Variants in ZNF496 observed in about 807,000 individuals in gnomAD.
ZNF496 encodes zinc finger protein 496.
A neutral mutation model predicts 58.9 loss-of-function variants in ZNF496; 11 were observed. That is an observed-to-expected ratio of 0.19 (90% CI 0.12 to 0.31). ZNF496 has a LOEUF of 0.31. Ranked by LOEUF, ZNF496 falls within the 10% of genes least tolerant of loss-of-function variation. ZNF496 has a pLI of 1.00. For synonymous variants in ZNF496, 338 were observed against 318.2 expected (o/e 1.06, Z -0.66); for missense variants, 660 against 783.0 (o/e 0.84, Z 1.88).
At chr1:247,304,088 A>G in intron 9 of ZNF496, 1 of 436,620 alleles carries the variant, frequency 2.3e-6, no homozygotes, top group Non-Finnish European at 4.6e-6. Context: ...ATGAAATAAA[A>G]GAAGGCTAGG....
Position 247,317,719 on chromosome 1 carries a change from C to T in ZNF496, c.651+5435G>A, listed in dbSNP as rs184259699. 2.1e-3 allele frequency among the ~76,000 whole-genome samples: 322 copies of T among 152,344 alleles called. 1 individual carries two copies. Among genetic ancestry groups the T allele is most frequent in the African/African-American group, 4.6e-3 (190 of 41,582 alleles). On this transcript the variant is annotated intron_variant, in intron 6 of 9. Transcript: ENST00000682384. ...CCAGGTAATAACAAGTGGTGGCCCACCTGCCCTTCTCTTGCTGGAGCTATG... is the reference window on the plus strand; with the variant it reads ...CCAGGTAATAACAAGTGGTGGCCCATCTGCCCTTCTCTTGCTGGAGCTATG...
rs1660255060 is a variant in ZNF496, at chr1:247,329,674, G to C, written c.-37-59C>G. On this transcript the variant is annotated intron_variant, in intron 3 of 9. Coordinates refer to ENST00000682384, the MANE Select transcript of ZNF496 (RefSeq NM_032752.3). The surrounding 1 kb of genome is among the most constrained non-coding windows in gnomAD (Gnocchi z 5.5). ...TCTGGTCTCCTGTGGTCATTTCTGG[G>C]GGACAGTGACAAGGAAACTGTCAAT... 6.8e-7 allele frequency: 1 copy of C among 1,461,936 alleles called. No individual in the cohort carries two copies. The highest frequency in any genetic ancestry group is 9.1e-7 in the Non-Finnish European group (1 of 1,096,320). 90.6% of individuals were successfully genotyped at this position (1,461,936 alleles called of 1,614,324 possible).
Position 247,329,465 on chromosome 1 carries a change from G to A in ZNF496, c.114C>T (p.Pro38=), listed in dbSNP as rs144794714. Residue 38 remains proline, a synonymous_variant, in exon 4 of 10, where the codon CCC becomes CCT. Coordinates refer to ENST00000682384, the MANE Select transcript of ZNF496 (RefSeq NM_032752.3). The surrounding 1 kb of genome is among the most constrained non-coding windows in gnomAD (Gnocchi z 5.5). ...GGCGGAAGAGACGCCGAGAGGACTC[G>A]GGGCTGGGAAGCTCCCCCTGGGGGC... ...NPSPQGELPS[P]ESSRRLFRRF... 3.5e-4 allele frequency: 568 copies of A among 1,609,710 alleles called. 2 individuals carry two copies. The highest frequency in any genetic ancestry group is 2.1e-3 in the Middle Eastern group (12 of 5,838).
Position 247,300,435 on chromosome 1 carries a change from G to C in ZNF496, c.*84C>G. 1 of 1,434,456 alleles carries C rather than the reference G, an allele frequency of 7.0e-7. No individual in the cohort carries two copies. The highest frequency in any genetic ancestry group is 9.3e-7 in the Non-Finnish European group (1 of 1,071,202). The allele number at this position is 1,434,456 out of a possible 1,614,324, so 88.9% of individuals were successfully genotyped here. On this transcript the variant is annotated 3_prime_UTR_variant, in exon 10 of 10. Transcript: ENST00000682384. This position sits in a 1 kb window ranked among gnomAD's most constrained non-coding sequence, Gnocchi z 5.7. ...GAGGTGTGCTCTCTATCCTGGGGAA[G>C]GTATGTCCTGGGTGGGGGCGCTGAT... is the stretch of plus-strand genomic sequence containing the variant.
At chr1:247,327,003 A>G (rs996547389) in intron 5 of ZNF496, among the ~76,000 whole-genome samples, 1 of 152,136 alleles carries the variant, frequency 6.6e-6, no homozygotes, top group Non-Finnish European at 1.5e-5. Flanking sequence ...CCGGATATTC[A>G]TGGGTTTTTA....
intron 6 of ZNF496, chr1:247,313,181 C>T (rs2103023154): frequency 6.6e-6 from 1 of 152,326 alleles, no homozygotes; most frequent in South Asian, 2.1e-4. Context: ...TGATCATCTC[C>T]CCAGTGCCCC....
chr1:247,314,457 A>AGTTT (rs879257779), intron 6 of ZNF496, among the ~76,000 whole-genome samples: 2 of 151,734 alleles, frequency 1.3e-5, no homozygotes, highest in African/African-American at 4.8e-5. Flanking sequence ...TTAAAATTTC[A>AGTTT]ATTTAAAATG....
chr1:247,319,647 G>A (rs76707053), intron 6 of ZNF496, among the ~76,000 whole-genome samples: 7,720 of 152,288 alleles, frequency 0.051, 259 homozygotes, highest in Middle Eastern at 0.092. Context: ...TCTAGGCCGG[G>A]TGCAGTGGCT....
At position 247,307,335 on chromosome 1, in the gene ZNF496, C is replaced by T. The variant is rs143685296; in HGVS notation, c.1006+1140G>A. ...CCCTTGGCTTCTGGCTGTTTCAGAG[C>T]AGTCTGTGTCAGAGTCCAGCAAGGG... On this transcript the variant is annotated intron_variant, in intron 9 of 9. Coordinates refer to ENST00000682384, the MANE Select transcript of ZNF496 (RefSeq NM_032752.3). The T allele has an allele frequency of 1.0e-5, 10 of 985,416 alleles. No individual in the cohort carries two copies. In the African/African-American group the frequency reaches 1.7e-4, roughly 17 times the overall value. 61.0% of individuals were successfully genotyped at this position (985,416 alleles called of 1,614,324 possible).
Position 247,298,681 on chromosome 1 carries a change from GTC to G in ZNF496, c.*1836_*1837del, listed in dbSNP as rs1659151280. 6.6e-6 allele frequency: 1 copy of G among 152,300 alleles called. No individual in the cohort carries two copies. Among genetic ancestry groups the G allele is most frequent in the South Asian group, 2.1e-4 (1 of 4,832 alleles). The allele number at this position is 152,300 out of a possible 1,614,324, so 9.4% of individuals were successfully genotyped here. ...CACCAGGAGCCTTGCCTGACTTACT[GTC>G]TGTTGGTAGGATGTGACATATGAAT... On this transcript the variant is annotated 3_prime_UTR_variant, in exon 10 of 10. Transcript: ENST00000682384.
intron 5 of ZNF496, among the ~76,000 whole-genome samples, chr1:247,327,107 C>T (rs115741372): frequency 0.021 from 3,227 of 152,194 alleles, 47 homozygotes; most frequent in Middle Eastern, 0.037. Flanking sequence ...TGTTTTTACC[C>T]AGGCTGGAAT....
intron 9 of ZNF496, among the ~76,000 whole-genome samples, chr1:247,302,097 G>C (rs1206273736): frequency 3.3e-5 from 5 of 152,192 alleles, no homozygotes; most frequent in Non-Finnish European, 7.3e-5. Context: ...TTATGGAGCA[G>C]AGCCCACCAT....
At chr1:247,316,452 A>G (rs1474425692) in intron 6 of ZNF496, among the ~76,000 whole-genome samples, 1 of 151,820 alleles carries the variant, frequency 6.6e-6, no homozygotes, top group Non-Finnish European at 1.5e-5. Flanking sequence ...TTGTCATGGG[A>G]GTGGAACTGG....
chr1:247,300,470 G>T lies in ZNF496; in HGVS notation c.*49C>A. The T allele has an allele frequency of 1.3e-6, 2 of 1,556,618 alleles. No individual in the cohort carries two copies. Among genetic ancestry groups the T allele is most frequent in the South Asian group, 2.4e-5 (2 of 82,262 alleles). On this transcript the variant is annotated 3_prime_UTR_variant, in exon 10 of 10. Coordinates refer to ENST00000682384, the MANE Select transcript of ZNF496 (RefSeq NM_032752.3). This position sits in a 1 kb window ranked among gnomAD's most constrained non-coding sequence, Gnocchi z 5.7. ...GGGTGGGGGCGCTGATCAGTACCAA[G>T]GTGAGGGGGCAGCACCAGCCAGGGT...
At position 247,309,654 on chromosome 1, in the gene ZNF496, C is replaced by T. The variant is rs1481204578; in HGVS notation, c.892+45G>A. On this transcript the variant is annotated intron_variant, in intron 8 of 9. Transcript: ENST00000682384. The surrounding 1 kb of genome is among the most constrained non-coding windows in gnomAD (Gnocchi z 4.3). The stretch of plus-strand genomic sequence containing the variant: ...TGGGCTCACCTCCGGCTGCCAGCAA[C>T]CCTTCCCCCTACTCTGTCCACTCAG... The T allele has an allele frequency of 1.2e-6, 2 of 1,609,168 alleles. No individual in the cohort carries two copies. The highest frequency in any genetic ancestry group is 1.7e-5 in the Admixed American group (1 of 59,396).
At chr1:247,319,916 C>G (rs1659908637) in intron 6 of ZNF496, among the ~76,000 whole-genome samples, 1 of 152,042 alleles carries the variant, frequency 6.6e-6, no homozygotes, top group Non-Finnish European at 1.5e-5. Context: ...GAGTGAGACT[C>G]CGCCTCAAAC....
chr1:247,321,107 C>T (rs1659948734), intron 6 of ZNF496, among the ~76,000 whole-genome samples: 1 of 151,254 alleles, frequency 6.6e-6, no homozygotes, highest in South Asian at 2.1e-4. Flanking sequence ...ACCCGGGATG[C>T]GGAGGTTGCG....
Position 247,329,422 on chromosome 1 carries a change from C to A in ZNF496, c.157G>T (p.Ala53Ser), listed in dbSNP as rs561497013. 8 of 1,613,188 alleles carry A rather than the reference C, an allele frequency of 5.0e-6. No individual in the cohort carries two copies. In the South Asian group the frequency reaches 8.8e-5, roughly 18 times the overall value. Reference protein sequence around the residue: ...RLFRRFRYQEAAGPREALQRL... With the variant: ...RLFRRFRYQESAGPREALQRL... ...TGCAGGGCCTCCCGGGGGCCCGCCG[C>A]CTCCTGGTAGCGGAAACGGCGGAAG... is the stretch of plus-strand genomic sequence containing the variant. Residue 53 changes from alanine (A) to serine (S), a missense_variant, in exon 4 of 10, where the codon GCG (alanine) becomes TCG (serine). Coordinates refer to ENST00000682384, the MANE Select transcript of ZNF496 (RefSeq NM_032752.3). The surrounding 1 kb of genome is among the most constrained non-coding windows in gnomAD (Gnocchi z 5.5).
In ZNF496 at chr1:247,301,224, G is replaced by C; in HGVS notation, c.1059C>G (p.Ile353Met). 2 of 1,539,798 alleles carry C rather than the reference G, an allele frequency of 1.3e-6. No individual in the cohort carries two copies. Among genetic ancestry groups the C allele is most frequent in the Non-Finnish European group, 1.7e-6 (2 of 1,144,770 alleles). The stretch of plus-strand genomic sequence containing the variant: ...CCCCAGAGCTGGAGAGAACGATCTC[G>C]ATGGTCACTTCTTCATCCAGGCTGT... ...LENSLDEEVTIEIVLSSSGDE... is the reference protein window; with the variant it reads ...LENSLDEEVTMEIVLSSSGDE... The change falls in exon 10 of 10, where the codon ATC becomes ATG. Residue 353 changes from isoleucine to methionine, a missense_variant. By Grantham distance (10) the Ile-to-Met change is conservative (BLOSUM62 1). Coordinates refer to ENST00000682384, the MANE Select transcript of ZNF496 (RefSeq NM_032752.3).
Sources: gnomAD v4.1 joint callset for allele counts (sites outside exome capture counted in the v4.1 genomes callset) on GRCh38, gnomAD v4.1.1 for gene constraint, Gnocchi (gnomAD v3.1) non-coding constraint, MANE v1.5 for transcripts, NCBI Gene and HGNC (gene_info 2026-07-23, HGNC 2026-07-21) for gene names.